DSCAM: variants seen among roughly 807,000 people sequenced by gnomAD.
DSCAM encodes cell adhesion molecule DSCAM.
A neutral mutation model predicts 217.7 loss-of-function variants in DSCAM; 47 were observed. That is an observed-to-expected ratio of 0.22 (90% CI 0.17 to 0.28). The LOEUF (loss-of-function observed/expected upper bound fraction) is 0.28, where lower values mean the gene tolerates loss of function less well. Among genes scored for constraint, DSCAM ranks in the 10% least tolerant of loss-of-function variants. The pLI, the probability that DSCAM is intolerant of heterozygous loss-of-function variation, is 1.00. For synonymous variants in DSCAM, 1,056 were observed against 1,015.3 expected (o/e 1.04, Z -0.76); for missense variants, 2,080 against 2,618.3 (o/e 0.79, Z 4.49).
intron 3 of DSCAM, among the ~76,000 whole-genome samples, chr21:40,386,100 C>A (rs916359356): frequency 6.6e-6 from 1 of 152,192 alleles, no homozygotes; most frequent in Non-Finnish European, 1.5e-5. Context: ...CCATTAATTA[C>A]GTGCACTGCA....
At chr21:40,537,979 T>C (rs1308101293) in intron 3 of DSCAM, among the ~76,000 whole-genome samples, 1 of 152,176 alleles carries the variant, frequency 6.6e-6, no homozygotes, top group Admixed American at 6.5e-5. Flanking sequence ...GTGGAATTCA[T>C]CTCTGGATCT....
chr21:40,087,286 A>G lies in DSCAM; in HGVS notation c.3852T>C (p.Ala1284=), dbSNP rs2146576819. 2 of 1,612,910 alleles carry G rather than the reference A, an allele frequency of 1.2e-6. No homozygotes were observed. The highest frequency in any genetic ancestry group is 1.7e-6 in the Non-Finnish European group (2 of 1,178,848). The change falls in exon 22 of 33, where the codon GCT becomes GCC. Residue 1284 remains alanine (A), a splice_region_variant and synonymous_variant. Transcript: ENST00000400454. ...CACTGAAGGTCAGGATTCGTGCAGG[A>G]GCTGAGGAACCAAACAAAGTGGAAT... ...EIITVEPLAK[A]PARILTFSGT...
At position 40,078,724 on chromosome 21, in the gene DSCAM, C is replaced by T. The variant is rs752025613; in HGVS notation, c.4674G>A (p.Glu1558=). 4.2e-5 allele frequency: 68 copies of T among 1,614,096 alleles called. 2 individuals are homozygous for T. In the South Asian group the frequency reaches 4.5e-4, roughly 11 times the overall value. ...MRVCNSAGCA[E]KQANFATLNY... ...TCAGCGTAGCGAAGTTGGCCTGCTT[C>T]TCCGCGCAGCCCGCACTGTTGCACA... The change falls in exon 26 of 33, where the codon GAG becomes GAA. Residue 1558 remains glutamate (E), a synonymous_variant. Coordinates refer to ENST00000400454, the MANE Select transcript of DSCAM (RefSeq NM_001389.5).
At chr21:40,588,496 G>T (rs1028096104) in intron 3 of DSCAM, among the ~76,000 whole-genome samples, 1 of 152,160 alleles carries the variant, frequency 6.6e-6, no homozygotes, top group African/African-American at 2.4e-5. Context: ...AAGTGGTGAT[G>T]AGGAAAAACT....
At chr21:40,494,823 G>GT (rs2076104850) in intron 3 of DSCAM, among the ~76,000 whole-genome samples, 2 of 144,166 alleles carry the variant, frequency 1.4e-5, no homozygotes, top group Admixed American at 7.0e-5. Context: ...ACTAAAGTTG[G>GT]GTTTTTTTTT....
At chr21:40,295,082 A>G (rs191086259) in intron 10 of DSCAM, among the ~76,000 whole-genome samples, 2 of 152,234 alleles carry the variant, frequency 1.3e-5, no homozygotes, top group East Asian at 3.9e-4. Flanking sequence ...GCAACATGCT[A>G]TTTTAAAAAA....
chr21:40,756,479 C>T (rs1174742930), intron 1 of DSCAM, among the ~76,000 whole-genome samples: 1 of 152,124 alleles, frequency 6.6e-6, no homozygotes, highest in Non-Finnish European at 1.5e-5. Flanking sequence ...GCAATCTCTG[C>T]CTCCCAGGTT....
At chr21:40,367,994 AGAGAT>A (rs2074852070) in intron 4 of DSCAM, among the ~76,000 whole-genome samples, 1 of 152,206 alleles carries the variant, frequency 6.6e-6, no homozygotes, top group Admixed American at 6.5e-5. Context: ...TCCAACCCTG[AGAGAT>A]ACATTTAAAA....
chr21:40,808,330 A>C (rs2091806524), intron 1 of DSCAM, among the ~76,000 whole-genome samples: 1 of 152,194 alleles, frequency 6.6e-6, no homozygotes, highest in Non-Finnish European at 1.5e-5. Flanking sequence ...TCACAAAAAA[A>C]TGAAAAGAAG....
intron 3 of DSCAM, among the ~76,000 whole-genome samples, chr21:40,596,573 G>A (rs13050867): frequency 0.21 from 31,772 of 152,054 alleles, 3,508 homozygotes; most frequent in East Asian, 0.31. Flanking sequence ...TAATTATGCC[G>A]TATGCTTGGC....
chr21:40,153,544 G>A (rs1217830118), intron 16 of DSCAM, among the ~76,000 whole-genome samples: 3 of 152,196 alleles, frequency 2.0e-5, no homozygotes, highest in African/African-American at 7.2e-5. Context: ...GATCACAGGG[G>A]TGGGGGACGG....
chr21:40,088,921 G>T (rs1414815527), intron 21 of DSCAM, among the ~76,000 whole-genome samples: 1 of 152,190 alleles, frequency 6.6e-6, no homozygotes, highest in Non-Finnish European at 1.5e-5. Context: ...AAACAAAGTT[G>T]CATGAATAAA....
At chr21:40,780,441 A>ATATATATATATATATATATATATATATC (rs1407749651) in intron 1 of DSCAM, among the ~76,000 whole-genome samples, 32 of 141,316 alleles carry the variant, frequency 2.3e-4, no homozygotes, top group South Asian at 4.5e-4. Context: ...ATATATATAT[A>ATATATATATATATATATATATATATATC]TATATATCTC....
intron 3 of DSCAM, among the ~76,000 whole-genome samples, chr21:40,619,910 A>G (rs559593889): frequency 5.9e-5 from 9 of 151,496 alleles, no homozygotes; most frequent in Middle Eastern, 6.8e-3. Flanking sequence ...AGATAACACT[A>G]TGAAATCTAG....
intron 1 of DSCAM, among the ~76,000 whole-genome samples, chr21:40,823,416 C>A (rs2091945190): frequency 6.6e-6 from 1 of 152,112 alleles, no homozygotes; most frequent in South Asian, 2.1e-4. Flanking sequence ...CTCAATTCAA[C>A]TTGTTTAAGG....
At chr21:40,110,755 C>G (rs1323446874) in intron 20 of DSCAM, among the ~76,000 whole-genome samples, 1 of 152,306 alleles carries the variant, frequency 6.6e-6, no homozygotes, top group Non-Finnish European at 1.5e-5. Flanking sequence ...AGCATGAGAA[C>G]TACGTGACGA....
chr21:40,781,644 C>T (rs371550871), intron 1 of DSCAM, among the ~76,000 whole-genome samples: 15 of 152,128 alleles, frequency 9.9e-5, no homozygotes, highest in African/African-American at 3.6e-4. Flanking sequence ...ACCAATCCCC[C>T]ACACATACAG....
At chr21:40,449,654 T>C (rs894649880) in intron 3 of DSCAM, among the ~76,000 whole-genome samples, 4 of 152,206 alleles carry the variant, frequency 2.6e-5, no homozygotes, top group African/African-American at 7.2e-5. Context: ...ATATGACTTA[T>C]GCCTGTGTTC....
chr21:40,573,295 G>A (rs140442939), intron 3 of DSCAM, among the ~76,000 whole-genome samples: 1,556 of 152,066 alleles, frequency 0.01, 25 homozygotes, highest in African/African-American at 0.035. Context: ...CTGAGATGGC[G>A]CCACTGCACT....
Sources: gnomAD v4.1 joint callset for allele counts (sites outside exome capture counted in the v4.1 genomes callset) on GRCh38, gnomAD v4.1.1 for gene constraint, MANE v1.5 for transcripts, NCBI Gene and HGNC (gene_info 2026-07-23, HGNC 2026-07-21) for gene names.